Variants in PRELID2 observed in about 807,000 individuals in gnomAD.
PRELID2 encodes the protein PRELI domain-containing protein 2.
A neutral mutation model predicts 28.4 loss-of-function variants in PRELID2; 25 were observed. That is an observed-to-expected ratio of 0.88 (90% CI 0.64 to 1.23). PRELID2 has a LOEUF of 1.23. Among genes scored for constraint, PRELID2 ranks in the 50% most tolerant of loss-of-function variants. PRELID2 has a pLI of 0.00. For synonymous variants in PRELID2, 76 were observed against 71.6 expected, an observed-to-expected ratio of 1.06 and a Z score of -0.31; for missense variants, 201 against 214.4, an observed-to-expected ratio of 0.94 and a Z score of 0.39.
At chr5:145,364,400 T>C in the PRELID2 span, among the ~76,000 whole-genome samples, 4 of 151,994 alleles carry the variant, frequency 2.6e-5, no homozygotes, top group Non-Finnish European at 4.4e-5. Context: ...CTGAAATAAG[T>C]TACATATTTG....
At chr5:145,589,064 C>T (rs959940901) in intron 1 of PRELID2, among the ~76,000 whole-genome samples, 2 of 152,126 alleles carry the variant, frequency 1.3e-5, no homozygotes, top group South Asian at 4.1e-4. Flanking sequence ...AAGCTAGTGG[C>T]TGGCTATATA....
intron 6 of PRELID2, among the ~76,000 whole-genome samples, chr5:145,761,486 G>A (rs1230787182): frequency 6.6e-6 from 1 of 152,142 alleles, no homozygotes; most frequent in Non-Finnish European, 1.5e-5. Context: ...AAAACAAACT[G>A]TCAAACTATA....
At chr5:145,644,241 G>T (rs1457051434) in intron 1 of PRELID2, among the ~76,000 whole-genome samples, 1 of 152,154 alleles carries the variant, frequency 6.6e-6, no homozygotes. Flanking sequence ...TTAGTCTTGG[G>T]AGGGTGTATG....
chr5:145,731,169 G>C (rs963379731), intron 1 of PRELID2, among the ~76,000 whole-genome samples: 1 of 152,184 alleles, frequency 6.6e-6, no homozygotes, highest in African/African-American at 2.4e-5. Flanking sequence ...AATGTTTAAA[G>C]CATATATTTG....
chr5:145,754,427 C>G (rs565097789), downstream of PRELID2: 1 of 152,268 alleles, frequency 6.6e-6, no homozygotes, highest in Middle Eastern at 3.4e-3. Flanking sequence ...CTGGTCTTAC[C>G]ATCAATTGGT....
At chr5:145,318,872 G>T in the PRELID2 span, among the ~76,000 whole-genome samples, 6 of 152,196 alleles carry the variant, frequency 3.9e-5, no homozygotes, top group African/African-American at 1.4e-4. Flanking sequence ...ACTGAAGGAT[G>T]GTGAATGCAG....
At chr5:145,598,598 C>T (rs1301716189) in intron 1 of PRELID2, among the ~76,000 whole-genome samples, 2 of 152,160 alleles carry the variant, frequency 1.3e-5, no homozygotes, top group Admixed American at 1.3e-4. Context: ...TCACCAAACA[C>T]TCATTCAGCA....
intron 1 of PRELID2, among the ~76,000 whole-genome samples, chr5:145,636,856 T>C (rs1754010020): frequency 6.6e-6 from 1 of 152,226 alleles, no homozygotes; most frequent in Admixed American, 6.5e-5. Context: ...TACTGAATTA[T>C]TACATTTTTT....
the PRELID2 span, among the ~76,000 whole-genome samples, chr5:145,310,463 T>A: frequency 6.6e-6 from 1 of 152,216 alleles, no homozygotes; most frequent in African/African-American, 2.4e-5. Context: ...AATCACCATG[T>A]ATGACTTTTT....
the PRELID2 span, among the ~76,000 whole-genome samples, chr5:145,244,261 T>A: frequency 2.0e-5 from 3 of 152,130 alleles, no homozygotes; most frequent in African/African-American, 7.2e-5. Flanking sequence ...GGCCCCAACT[T>A]TTTTGTAACA....
chr5:145,557,134 G>C (rs1185983029), intron 1 of PRELID2, among the ~76,000 whole-genome samples: 2 of 152,196 alleles, frequency 1.3e-5, no homozygotes, highest in African/African-American at 2.4e-5. Flanking sequence ...GATACATAGT[G>C]AGTTCTCTGA....
the PRELID2 span, among the ~76,000 whole-genome samples, chr5:145,378,226 T>C: frequency 6.6e-6 from 1 of 152,280 alleles, no homozygotes; most frequent in East Asian, 1.9e-4. Flanking sequence ...ACATTTTTTC[T>C]TTCATTTCAA....
chr5:145,289,795 T>A, the PRELID2 span, among the ~76,000 whole-genome samples: 2 of 152,220 alleles, frequency 1.3e-5, no homozygotes, highest in African/African-American at 4.8e-5. Context: ...ATTTTAGCCA[T>A]TCTACTACAT....
chr5:145,327,300 G>C, the PRELID2 span, among the ~76,000 whole-genome samples: 2 of 152,060 alleles, frequency 1.3e-5, no homozygotes, highest in Middle Eastern at 3.4e-3. Flanking sequence ...AAGATGTTTT[G>C]ATGTTGAGTG....
the PRELID2 span, among the ~76,000 whole-genome samples, chr5:145,390,160 GAA>G: frequency 2.6e-5 from 4 of 152,134 alleles, no homozygotes. Flanking sequence ...TAGAAGATCA[GAA>G]AAGTCTCTTC....
intron 2 of PRELID2, among the ~76,000 whole-genome samples, chr5:145,820,736 G>T (rs989989622): frequency 6.6e-6 from 1 of 152,128 alleles, no homozygotes; most frequent in Non-Finnish European, 1.5e-5. Flanking sequence ...CAGAAGGAGG[G>T]ACCAAGACAA....
the PRELID2 span, among the ~76,000 whole-genome samples, chr5:145,268,345 T>C: frequency 1.3e-5 from 2 of 152,134 alleles, no homozygotes; most frequent in Non-Finnish European, 2.9e-5. Context: ...TCTAGTTTCA[T>C]TCTTCTTCAT....
At chr5:145,284,738 C>T in the PRELID2 span, among the ~76,000 whole-genome samples, 2 of 152,034 alleles carry the variant, frequency 1.3e-5, no homozygotes, top group African/African-American at 4.8e-5. Context: ...CTGGCCCCCA[C>T]CAAGTCAGTA....
At chr5:145,349,367 T>C in the PRELID2 span, among the ~76,000 whole-genome samples, 1 of 152,186 alleles carries the variant, frequency 6.6e-6, no homozygotes, top group African/African-American at 2.4e-5. Context: ...AAGAATTGTG[T>C]CTTTTGGGAT....
Sources: allele counts gnomAD v4.1 joint callset (sites outside exome capture counted in the v4.1 genomes callset), GRCh38; gene constraint gnomAD v4.1.1; transcripts MANE v1.5; gene names NCBI Gene and HGNC (gene_info 2026-07-23, HGNC 2026-07-21).